The following HDLBP variants were observed in gnomAD, a reference collection of about 807,000 sequenced individuals.
HDLBP encodes the protein vigilin.
In HDLBP, 30 loss-of-function variants were observed where a neutral mutation model predicts 137.3. That is an observed-to-expected ratio of 0.22 (90% confidence interval 0.16 to 0.30). The LOEUF is 0.30. Among genes scored for constraint, HDLBP ranks in the 10% least tolerant of loss-of-function variants. The pLI is 1.00. For synonymous variants in HDLBP, 606 were observed against 596.0 expected, an observed-to-expected ratio of 1.02 and a Z score of -0.24; for missense variants, 1,119 against 1,667.3, an observed-to-expected ratio of 0.67 and a Z score of 5.73.
rs1270935856 is a variant in HDLBP at position 241,248,271 on chromosome 2, G to A, written c.1590C>T (p.Ile530=). Residue 530 remains isoleucine (I), a synonymous_variant, in exon 13 of 28, where the codon ATC becomes ATT. Coordinates refer to ENST00000310931, the MANE Select transcript of HDLBP (RefSeq NM_005336.6). ...CTGGGAATTTGTCACGAATTTCACG[G>A]ATCCGTTCACCCTTCTGCCCAATGA... The part of the protein sequence containing the change: ...RTIIGQKGER[I]REIRDKFPEV... The A allele has an allele frequency of 2.1e-5, 34 of 1,613,704 alleles. No individual in the cohort carries two copies. Among genetic ancestry groups the A allele is most frequent in the Non-Finnish European group, 2.8e-5 (33 of 1,179,744 alleles).
intron 1 of HDLBP, among the ~76,000 whole-genome samples, chr2:241,283,668 G>T (rs1317349308): frequency 6.6e-6 from 1 of 152,136 alleles, no homozygotes; most frequent in African/African-American, 2.4e-5. Flanking sequence ...TAGAGATGGG[G>T]TTTCACCGTG....
At chr2:241,302,344 G>A (rs1042432817) in intron 1 of HDLBP, among the ~76,000 whole-genome samples, 2 of 152,070 alleles carry the variant, frequency 1.3e-5, no homozygotes, top group East Asian at 1.9e-4. Context: ...AAGGACTTGA[G>A]TCCAGGAGTA....
At chr2:241,260,615 G>C (rs1289200356) in intron 5 of HDLBP, among the ~76,000 whole-genome samples, 2 of 152,150 alleles carry the variant, frequency 1.3e-5, no homozygotes, top group Non-Finnish European at 1.5e-5. Flanking sequence ...AACGAATTTG[G>C]GCAATCACCA....
rs1295938224 is a variant in HDLBP at position 241,229,373 on chromosome 2, T to C, written c.*228A>G. The C allele has an allele frequency of 2.1e-6, 1 of 475,608 alleles. No homozygotes were observed. Among genetic ancestry groups the C allele is most frequent in the Non-Finnish European group, 3.9e-6 (1 of 258,794 alleles). 29.5% of individuals were successfully genotyped at this position (475,608 alleles called of 1,614,324 possible). On this transcript the variant is annotated 3_prime_UTR_variant, in exon 28 of 28. Coordinates refer to ENST00000310931, the MANE Select transcript of HDLBP (RefSeq NM_005336.6). ...TCTGTTATCTTAGCACGAATGCTCA[T>C]GACCTTGGTTTAGTGTTAAACAGTG...
chr2:241,248,201 G>A (rs2071830477), intron 13 of HDLBP, 43 bp downstream of exon 13: 4 of 1,560,360 alleles, frequency 2.6e-6, no homozygotes, highest in African/African-American at 2.7e-5. Context: ...GTGTGACTTG[G>A]ATCACTCCTA....
chr2:241,273,143 C>T, intron 1 of HDLBP: 1 of 985,484 alleles, frequency 1.0e-6, no homozygotes, highest in South Asian at 4.7e-5. Context: ...GTCACCAGTA[C>T]CGCCCACCTC....
At chr2:241,298,381 TG>T (rs991999239) in intron 1 of HDLBP, among the ~76,000 whole-genome samples, 148 of 150,552 alleles carry the variant, frequency 9.8e-4, no homozygotes, top group African/African-American at 3.3e-3. Flanking sequence ...ATAATAATAA[TG>T]AAAAAAATAA....
chr2:241,246,048 C>G (rs1665872092), intron 16 of HDLBP, among the ~76,000 whole-genome samples: 1 of 152,104 alleles, frequency 6.6e-6, no homozygotes, highest in African/African-American at 2.4e-5. Context: ...CACAAAGAAA[C>G]AGATGATCTA....
intron 1 of HDLBP, among the ~76,000 whole-genome samples, chr2:241,287,672 T>C (rs1051091532): frequency 2.0e-5 from 3 of 151,982 alleles, no homozygotes; most frequent in Non-Finnish European, 4.4e-5. Context: ...TCTGCCTGCC[T>C]TGGCCTCCCA....
chr2:241,277,079 A>G (rs1559538148), intron 1 of HDLBP, among the ~76,000 whole-genome samples: 1 of 152,134 alleles, frequency 6.6e-6, no homozygotes, highest in South Asian at 2.1e-4. Flanking sequence ...TTAAAAATTT[A>G]AAGACTATAT....
At chr2:241,290,088 T>C (rs970378947) in intron 1 of HDLBP, among the ~76,000 whole-genome samples, 1 of 152,192 alleles carries the variant, frequency 6.6e-6, no homozygotes, top group African/African-American at 2.4e-5. Flanking sequence ...CTACTATGCA[T>C]AGTCTTCGGG....
In HDLBP at chr2:241,242,556, G is replaced by A. The variant is rs145475468; in HGVS notation, c.2073C>T (p.Pro691=). 12 of 1,614,078 alleles carry A rather than the reference G, an allele frequency of 7.4e-6. No individual in the cohort carries two copies. The highest frequency in any genetic ancestry group is 3.3e-5 in the South Asian group (3 of 91,088). Residue 691 remains proline, a synonymous_variant, in exon 17 of 28, where the codon CCC becomes CCT. Transcript: ENST00000310931. ...CGGTGTCGCTTCCTGAACCTTCCAC[G>A]GGAAAGTGAATGTGGACCCCGCCGC... ...EECGGVHIHF[P]VEGSGSDTVV...
At position 241,229,208 on chromosome 2, in the gene HDLBP, A is replaced by C. The variant is rs2069423840; in HGVS notation, c.*393T>G. ...AGGGAGGTGGGAAAGGAAGAGGGCAAACGTTTGGCTTTTATAAAGTCAAGG... is the reference window on the plus strand; with the variant it reads ...AGGGAGGTGGGAAAGGAAGAGGGCACACGTTTGGCTTTTATAAAGTCAAGG... On this transcript the variant is annotated 3_prime_UTR_variant, in exon 28 of 28. Coordinates refer to ENST00000310931, the MANE Select transcript of HDLBP (RefSeq NM_005336.6). The C allele has an allele frequency of 4.7e-6, 1 of 214,132 alleles. No individual in the cohort carries two copies. The highest frequency in any genetic ancestry group is 9.6e-6 in the Non-Finnish European group (1 of 104,382). 13.3% of individuals were successfully genotyped at this position (214,132 alleles called of 1,614,324 possible).
intron 12 of HDLBP, 68 bp from the exon 13 acceptor site, chr2:241,248,416 G>A: frequency 6.4e-6 from 8 of 1,248,278 alleles, no homozygotes; most frequent in Non-Finnish European, 8.2e-6. Context: ...CTGACACAAG[G>A]GGACACCAGG....
chr2:241,295,210 TAAC>T (rs1388196616), intron 1 of HDLBP, among the ~76,000 whole-genome samples: 1 of 152,152 alleles, frequency 6.6e-6, no homozygotes, highest in African/African-American at 2.4e-5. Flanking sequence ...CTATGGAGTT[TAAC>T]ATCAGCAAAT....
At chr2:241,257,992 G>A (rs1034506802) in intron 5 of HDLBP, among the ~76,000 whole-genome samples, 9 of 152,198 alleles carry the variant, frequency 5.9e-5, no homozygotes, top group East Asian at 1.9e-4. Context: ...GTGATGGCAC[G>A]CCTGTAATCC....
intron 1 of HDLBP, among the ~76,000 whole-genome samples, chr2:241,308,070 A>C (rs571179629): frequency 6.6e-6 from 1 of 152,368 alleles, no homozygotes; most frequent in African/African-American, 2.4e-5. Context: ...ACCTGATTAC[A>C]GAATACCTGT....
chr2:241,239,545 C>A lies in HDLBP; in HGVS notation c.2610+57G>T. The A allele has an allele frequency of 6.9e-7, 1 of 1,439,892 alleles. No individual in the cohort carries two copies. Among genetic ancestry groups the A allele is most frequent in the Non-Finnish European group, 9.7e-7 (1 of 1,027,102 alleles). 89.2% of individuals were successfully genotyped at this position (1,439,892 alleles called of 1,614,324 possible). A position where few individuals can be genotyped will look rare whatever the true frequency, so the allele number is the denominator to read the frequency against. ...GGGTGGAGCGAACACTCATACACGG[C>A]TTCGGTGAGTGGCCACTGGGGGGTG... is the stretch of plus-strand genomic sequence containing the variant. On this transcript the variant is annotated intron_variant, in intron 19 of 27. Transcript: ENST00000310931. This position sits in a 1 kb window ranked among gnomAD's most constrained non-coding sequence, Gnocchi z 4.6.
At chr2:241,292,182 TG>T (rs1288747752) in intron 1 of HDLBP, among the ~76,000 whole-genome samples, 3 of 151,316 alleles carry the variant, frequency 2.0e-5, no homozygotes, top group Non-Finnish European at 4.4e-5. Flanking sequence ...TTGAAACCAC[TG>T]CCCCCCACCC....
Sources: gnomAD v4.1 joint callset for allele counts (sites outside exome capture counted in the v4.1 genomes callset) on GRCh38, gnomAD v4.1.1 for gene constraint, Gnocchi (gnomAD v3.1) non-coding constraint, MANE v1.5 for transcripts, NCBI Gene and HGNC (gene_info 2026-07-23, HGNC 2026-07-21) for gene names.